The following EVI5 variants were observed in gnomAD, a reference collection of about 807,000 sequenced individuals.
EVI5 encodes ecotropic viral integration site 5 protein homolog.
EVI5 carries 73 observed loss-of-function variants against 112.0 expected under a neutral mutation model. The observed-to-expected ratio is 0.65, with a 90% CI of 0.54 to 0.79. EVI5 has a LOEUF of 0.79. Ranked by LOEUF, EVI5 falls within the 30% of genes least tolerant of loss-of-function variation. The pLI, the probability that EVI5 is intolerant of heterozygous loss-of-function variation, is 0.00. For synonymous variants in EVI5, 305 were observed against 319.9 expected, an observed-to-expected ratio of 0.95 and a Z score of 0.50; for missense variants, 900 against 968.8, an observed-to-expected ratio of 0.93 and a Z score of 0.94.
At chr1:92,592,019 G>A (rs563436905) in intron 18 of EVI5, among the ~76,000 whole-genome samples, 10 of 152,278 alleles carry the variant, frequency 6.6e-5, no homozygotes, top group Admixed American at 2.0e-4. Flanking sequence ...CAAGGCGGGC[G>A]GTTCACAAGG....
chr1:92,555,508 G>A (rs61780171), intron 19 of EVI5, among the ~76,000 whole-genome samples: 31 of 152,206 alleles, frequency 2.0e-4, no homozygotes, highest in Admixed American at 7.8e-4. Context: ...AACATACTTG[G>A]AACTTTGTGT....
At chr1:92,717,936 C>A (rs541497625) in intron 2 of EVI5, among the ~76,000 whole-genome samples, 9 of 151,670 alleles carry the variant, frequency 5.9e-5, no homozygotes, top group African/African-American at 1.9e-4. Flanking sequence ...CAACAAAGAT[C>A]AAAAGAGACA....
intron 19 of EVI5, among the ~76,000 whole-genome samples, chr1:92,541,387 AT>A (rs1164045690): frequency 6.6e-6 from 1 of 152,244 alleles, no homozygotes; most frequent in Non-Finnish European, 1.5e-5. Context: ...ATATGAAAAC[AT>A]GCTCAATATC....
intron 2 of EVI5, among the ~76,000 whole-genome samples, chr1:92,733,895 A>G (rs1676902041): frequency 6.6e-6 from 1 of 152,218 alleles, no homozygotes; most frequent in Non-Finnish European, 1.5e-5. Context: ...GCTCCAAGTC[A>G]TCTTCACTCC....
At chr1:92,767,763 G>A (rs1682852042) in intron 1 of EVI5, among the ~76,000 whole-genome samples, 2 of 152,148 alleles carry the variant, frequency 1.3e-5, no homozygotes, top group Non-Finnish European at 2.9e-5. Flanking sequence ...TAACATTCCA[G>A]GAAATTTATA....
At position 92,598,837 on chromosome 1, in the gene EVI5, A is replaced by G. The variant is rs553227455; in HGVS notation, c.2070+6470T>C. On this transcript the variant is annotated intron_variant, in intron 18 of 19. Transcript: ENST00000684568. Reference sequence around the variant, plus strand: ...CTAAAATTTGAAAGCTGCTACACTTAAAAATGGTTAAGTTCACTGTAAGAC... The same window carrying G: ...CTAAAATTTGAAAGCTGCTACACTTGAAAATGGTTAAGTTCACTGTAAGAC... Among the ~76,000 whole-genome samples, 38 of 152,256 alleles carry G rather than the reference A, an allele frequency of 2.5e-4. 1 individual carries two copies. Among genetic ancestry groups the G allele is most frequent in the Admixed American group, 1.4e-3 (21 of 15,294 alleles).
chr1:92,740,201 T>C (rs925348342), intron 1 of EVI5, among the ~76,000 whole-genome samples: 5 of 152,236 alleles, frequency 3.3e-5, no homozygotes, highest in Non-Finnish European at 5.9e-5. Context: ...AGCTTGCTTA[T>C]ATAAACATTT....
At chr1:92,669,142 C>T (rs1665414328) in intron 10 of EVI5, among the ~76,000 whole-genome samples, 2 of 152,096 alleles carry the variant, frequency 1.3e-5, no homozygotes, top group African/African-American at 4.8e-5. Flanking sequence ...TAAGCACTGC[C>T]CACAATAGTT....
chr1:92,533,000 T>TTA lies in EVI5; in HGVS notation c.2167-19031_2167-19030insTA, dbSNP rs1553171504. On this transcript the variant is annotated intron_variant, in intron 19 of 19. Transcript: ENST00000684568. ...CAAAAAAATCAATGAATCTAGGAAC[T>TTA]TTTTTTTTTTTTTGGAAAAGATCAA... Among the ~76,000 whole-genome samples, 5 of 12,542 alleles carry TTA rather than the reference T, an allele frequency of 4.0e-4. No homozygotes were observed. In the East Asian group the frequency reaches 0.15, roughly 369 times the overall value. 8.2% of individuals were successfully genotyped at this position (12,542 alleles called of 152,430 possible).
At position 92,683,892 on chromosome 1, in the gene EVI5, T is replaced by C. The variant is rs564270639; in HGVS notation, c.1098-6674A>G. Among the ~76,000 whole-genome samples, 95 of 152,094 alleles carry C rather than the reference T, an allele frequency of 6.2e-4. 1 individual carries two copies. The South Asian group carries it at 0.018, about 29-fold the overall frequency. On this transcript the variant is annotated intron_variant, in intron 9 of 19. Coordinates refer to ENST00000684568, the MANE Select transcript of EVI5 (RefSeq NM_001350197.2). ...AAATGAACAAAGACTCCAAGAAATA[T>C]GGGAGTATGTGAAAAGACCAAATAT...
chr1:92,603,797 T>C (rs943479985), intron 18 of EVI5, among the ~76,000 whole-genome samples: 2 of 152,074 alleles, frequency 1.3e-5, no homozygotes, highest in African/African-American at 4.8e-5. Flanking sequence ...GCTGTGATCA[T>C]GGCTTACTGC....
intron 18 of EVI5, among the ~76,000 whole-genome samples, chr1:92,600,901 T>C (rs1004489328): frequency 6.6e-6 from 1 of 152,148 alleles, no homozygotes; most frequent in Admixed American, 6.5e-5. Flanking sequence ...CATTTGGGTA[T>C]AGTTTGTAAA....
At chr1:92,548,511 G>A (rs1403178401) in intron 19 of EVI5, among the ~76,000 whole-genome samples, 3 of 152,148 alleles carry the variant, frequency 2.0e-5, no homozygotes, top group African/African-American at 7.2e-5. Context: ...TCAGGCAGGA[G>A]AAAGAAATAA....
chr1:92,760,539 C>A (rs139244879), intron 1 of EVI5, among the ~76,000 whole-genome samples: 8,618 of 151,666 alleles, frequency 0.057, 435 homozygotes, highest in Non-Finnish European at 0.079. Flanking sequence ...CGAGACCAGC[C>A]TGGCCAACAT....
chr1:92,575,290 G>A (rs1670885321), intron 18 of EVI5, among the ~76,000 whole-genome samples: 1 of 152,016 alleles, frequency 6.6e-6, no homozygotes. Flanking sequence ...CTGAACCACT[G>A]GAATGTAAAT....
chr1:92,678,365 T>C (rs921638165), intron 9 of EVI5, among the ~76,000 whole-genome samples: 3 of 152,018 alleles, frequency 2.0e-5, no homozygotes, highest in African/African-American at 7.2e-5. Context: ...ACCCAGTCTC[T>C]ACAAAAAATA....
chr1:92,584,442 C>T (rs1343481258), intron 18 of EVI5, among the ~76,000 whole-genome samples: 1 of 152,080 alleles, frequency 6.6e-6, no homozygotes, highest in African/African-American at 2.4e-5. Flanking sequence ...TAGAAGAAAA[C>T]CCAATAATTT....
At chr1:92,736,653 A>T in intron 1 of EVI5, 26 bp from the exon 2 acceptor site, 1 of 1,454,018 alleles carries the variant, frequency 6.9e-7, no homozygotes, top group Non-Finnish European at 9.7e-7. Flanking sequence ...AAAGTTGCAT[A>T]TACTTTAGTT....
chr1:92,561,965 T>A (rs1668703548), intron 19 of EVI5, among the ~76,000 whole-genome samples: 1 of 152,142 alleles, frequency 6.6e-6, no homozygotes, highest in South Asian at 2.1e-4. Context: ...TCAAAGCATA[T>A]GACAGGGAAA....
Sources: gnomAD v4.1 joint callset for allele counts (sites outside exome capture counted in the v4.1 genomes callset) on GRCh38, gnomAD v4.1.1 for gene constraint, MANE v1.5 for transcripts, NCBI Gene and HGNC (gene_info 2026-07-23, HGNC 2026-07-21) for gene names.